Variants in SLC26A6 observed in about 807,000 individuals in gnomAD.
SLC26A6 encodes anion exchange transporter.
Under a neutral mutation model 87.1 loss-of-function variants are expected in SLC26A6, and 67 were observed. The ratio of observed to expected loss-of-function variants is 0.77; its 90% CI spans 0.63 to 0.94. The LOEUF is 0.94. Among genes scored for constraint, SLC26A6 ranks in the 40% least tolerant of loss-of-function variants. The probability of loss-of-function intolerance (pLI) is 0.00; values close to 1 mark genes in which losing one functional copy is unlikely to be tolerated. For synonymous variants in SLC26A6, 414 were observed against 405.9 expected (o/e 1.02, Z -0.24); for missense variants, 902 against 973.0 (o/e 0.93, Z 0.97).
At position 48,630,600 on chromosome 3, in the gene SLC26A6, A is replaced by G. The variant is rs978620694; in HGVS notation, c.1248+7T>C. ...TGCCCACACCCATGCCCACACCCAA[A>G]GCCCACCTGCGAGTTGCCCCCGGTG... On this transcript the variant is annotated splice_region_variant and intron_variant, in intron 10 of 20. Transcript: ENST00000395550. The G allele has an allele frequency of 6.4e-7, 1 of 1,571,106 alleles. No individual in the cohort carries two copies. The highest frequency in any genetic ancestry group is 1.8e-5 in the Admixed American group (1 of 54,102).
intron 7 of SLC26A6, 126 bp from the exon 8 acceptor site, chr3:48,631,432 T>C: frequency 8.4e-7 from 1 of 1,186,756 alleles, no homozygotes; most frequent in Non-Finnish European, 1.2e-6. Flanking sequence ...AAAAGTCACG[T>C]AGGGTGAGAG....
chr3:48,629,583 A>C, intron 14 of SLC26A6, 59 bp downstream of exon 14: 2 of 1,524,084 alleles, frequency 1.3e-6, no homozygotes, highest in Non-Finnish European at 1.8e-6. Context: ...GAATCCACAA[A>C]GGCTCATTCT....
chr3:48,631,640 C>CT lies in SLC26A6; in HGVS notation c.903+8_903+9insA. 6.2e-7 allele frequency: 1 copy of CT among 1,611,424 alleles called. No individual in the cohort carries two copies. Among genetic ancestry groups the CT allele is most frequent in the Non-Finnish European group, 8.5e-7 (1 of 1,178,910 alleles). Reference sequence around the variant, plus strand: ...TTCTCCCCTGCCCTCCACTCCCTGGCCCTCGAACCGTGAGCAGCTCCCCGG... The same window carrying CT: ...TTCTCCCCTGCCCTCCACTCCCTGGCTCCTCGAACCGTGAGCAGCTCCCCGG... On this transcript the variant is annotated intron_variant, in intron 7 of 20. Transcript: ENST00000395550.
Position 48,633,338 on chromosome 3 carries a change from C to A in SLC26A6, c.235G>T (p.Val79Phe). ...CGCACAGGATACCGGGGTAACCAGA[C>A]CAAAACCGGGAGGTGTTGGAGCAGA... ...ALLLQHLPVL[V>F]WLPRYPVRDW... The change falls in exon 3 of 21, where the codon GTC becomes TTC. Residue 79 changes from valine (V) to phenylalanine (F), a missense_variant. By Grantham distance (50) the Val-to-Phe change is conservative. Coordinates refer to ENST00000395550, the MANE Select transcript of SLC26A6 (RefSeq NM_022911.3). 6.2e-7 allele frequency: 1 copy of A among 1,613,594 alleles called. No homozygotes were observed. Among genetic ancestry groups the A allele is most frequent in the Non-Finnish European group, 8.5e-7 (1 of 1,180,012 alleles).
In SLC26A6 at chr3:48,633,511, C is replaced by T; in HGVS notation, c.148G>A (p.Ala50Thr). ...HLEELGRWGS[A>T]PRTHQWRTWL... ...GTCCGCCACTGGTGGGTCCTAGGTG[C>T]TGAGCCCCAGCGCCCCAGCTCCTCC... The change falls in exon 2 of 21, where the codon GCA (alanine) becomes ACA (threonine). Residue 50 changes from alanine to threonine, a missense_variant. By Grantham distance (58) the Ala-to-Thr change is moderately conservative (BLOSUM62 0). This residue lies in a region of SLC26A6 where 800 missense variants were observed against 856.8 expected (regional missense o/e 0.93). Coordinates refer to ENST00000395550, the MANE Select transcript of SLC26A6 (RefSeq NM_022911.3). 6.2e-7 allele frequency: 1 copy of T among 1,613,286 alleles called. No homozygotes were observed. The highest frequency in any genetic ancestry group is 8.5e-7 in the Non-Finnish European group (1 of 1,179,986).
rs1575531733 is a variant in SLC26A6, at chr3:48,633,401, G to A, written c.183-11C>T. On this transcript the variant is annotated splice_polypyrimidine_tract_variant and intron_variant, in intron 2 of 20. Transcript: ENST00000395550. ...CGAGCACGGGAGCACCTAGGGACAT[G>A]ATATGAGGGGTAGGTGTCAGGAACA... 6.2e-7 allele frequency: 1 copy of A among 1,613,200 alleles called. No homozygotes were observed. Among genetic ancestry groups the A allele is most frequent in the Non-Finnish European group, 8.5e-7 (1 of 1,179,928 alleles).
In SLC26A6 at chr3:48,632,234, C is replaced by T. The variant is rs966377308; in HGVS notation, c.585+11G>A. On this transcript the variant is annotated intron_variant, in intron 5 of 20. Transcript: ENST00000395550. ...GGTGGTGGGGGGCACATACTCCTGA[C>T]TGTTCCACACCTGGAAGAGGCCAAC... 1 of 1,586,748 alleles carries T rather than the reference C, an allele frequency of 6.3e-7. No individual in the cohort carries two copies.
intron 7 of SLC26A6, 153 bp downstream of exon 7, chr3:48,631,496 C>T: frequency 1.7e-6 from 2 of 1,151,718 alleles, no homozygotes; most frequent in Non-Finnish European, 2.4e-6. Context: ...AGGAAGAAAC[C>T]AACATAGGGG....
chr3:48,627,973 GCTC>G lies in SLC26A6; in HGVS notation c.1863_1865del (p.Arg621del). 6.3e-7 allele frequency: 1 copy of G among 1,593,802 alleles called. No individual in the cohort carries two copies. The highest frequency in any genetic ancestry group is 8.5e-7 in the Non-Finnish European group (1 of 1,173,882). Reference sequence around the variant, plus strand: ...TCATCTTGCAGTCCTCAACGTTGTTGCTCCTCATGTCTTCAAGGCTGGTGTTGA... The same window carrying G: ...TCATCTTGCAGTCCTCAACGTTGTTGCTCATGTCTTCAAGGCTGGTGTTGA... On this transcript the variant is annotated inframe_deletion, in exon 17 of 21. Transcript: ENST00000395550.
At chr3:48,633,196 T>C (rs949618642) in intron 3 of SLC26A6, 55 bp downstream of exon 3, 1 of 1,595,970 alleles carries the variant, frequency 6.3e-7, no homozygotes. Flanking sequence ...ATGGCCCCAG[T>C]TTTGGGCATC....
chr3:48,627,895 T>C, intron 17 of SLC26A6, 51 bp downstream of exon 17: 1 of 1,522,088 alleles, frequency 6.6e-7, no homozygotes, highest in East Asian at 2.4e-5. Flanking sequence ...ATGTGGATCC[T>C]GCATCTCTGC....
rs755827427 is a variant in SLC26A6, at chr3:48,632,344, G to A, written c.486C>T (p.Ala162=). The A allele has an allele frequency of 5.0e-6, 8 of 1,612,728 alleles. No homozygotes were observed. The highest frequency in any genetic ancestry group is 1.7e-5 in the Admixed American group (1 of 59,878). The stretch of plus-strand genomic sequence containing the variant: ...TCATGGAGTCGTTCAAGGCCTGCGG[G>A]GCCAGGGATTCTGTCACACTGCCCA... ...VMVGSVTESL[A]PQALNDSMIN... is the part of the protein sequence containing the mutation. Residue 162 remains alanine, a synonymous_variant, in exon 5 of 21, where the codon GCC becomes GCT. Coordinates refer to ENST00000395550, the MANE Select transcript of SLC26A6 (RefSeq NM_022911.3).
At chr3:48,627,914 GCTGTCACCT>G in intron 17 of SLC26A6, 23 bp downstream of exon 17, 1 of 1,566,946 alleles carries the variant, frequency 6.4e-7, no homozygotes, top group Non-Finnish European at 8.6e-7. Context: ...GCAGCTCACA[GCTGTCACCT>G]CCTTTCCCAC....
Position 48,630,727 on chromosome 3 carries a change from G to T in SLC26A6, c.1135-7C>A. The T allele has an allele frequency of 6.3e-7, 1 of 1,592,016 alleles. No individual in the cohort carries two copies. The highest frequency in any genetic ancestry group is 2.3e-5 in the East Asian group (1 of 43,920). The stretch of plus-strand genomic sequence containing the variant: ...GGCCCAGGGCCACCAGCTCCTGACG[G>T]GGGACAGTACGGGTGTGAGAAGACT... On this transcript the variant is annotated splice_polypyrimidine_tract_variant and splice_region_variant and intron_variant, in intron 9 of 20. Coordinates refer to ENST00000395550, the MANE Select transcript of SLC26A6 (RefSeq NM_022911.3).
In SLC26A6 at chr3:48,630,087, A is replaced by G. The variant is rs1477816766; in HGVS notation, c.1397T>C (p.Leu466Pro). ...CAGATCCGCCCGATTGGCCTTCCAG[A>G]GGGAGCGCATGTCGCTGAGCTGCCT... ...MLRQLSDMRS[L>P]WKANRADLLI... Residue 466 changes from leucine to proline, a missense_variant, in exon 12 of 21, where the codon CTC (leucine) becomes CCC (proline). This residue lies in a region of SLC26A6 where 800 missense variants were observed against 856.8 expected (regional missense o/e 0.93). Coordinates refer to ENST00000395550, the MANE Select transcript of SLC26A6 (RefSeq NM_022911.3). The G allele has an allele frequency of 6.2e-7, 1 of 1,612,198 alleles. No individual in the cohort carries two copies. The highest frequency in any genetic ancestry group is 8.5e-7 in the Non-Finnish European group (1 of 1,178,634).
chr3:48,626,428 C>T (rs979094823), intron 19 of SLC26A6, 74 bp from the exon 20 acceptor site: 3 of 1,602,770 alleles, frequency 1.9e-6, no homozygotes, highest in South Asian at 1.1e-5. Context: ...CAACAGAATG[C>T]CCTGACCTCA....
Position 48,629,976 on chromosome 3 carries a change from A to T in SLC26A6, c.1425T>A (p.Leu475=), listed in dbSNP as rs1051420250. The T allele has an allele frequency of 1.2e-6, 2 of 1,614,048 alleles. No individual in the cohort carries two copies. Among genetic ancestry groups the T allele is most frequent in the Non-Finnish European group, 1.7e-6 (2 of 1,179,976 alleles). The change falls in exon 13 of 21, where the codon CTT becomes CTA. Residue 475 remains leucine, a splice_region_variant and synonymous_variant. Transcript: ENST00000395550. Reference sequence around the variant, plus strand: ...TGGCCGTGAAGGTCACCAGCCAGATAAGCTGAGAACAGAGGGCAGCGGTTG... The same window carrying T: ...TGGCCGTGAAGGTCACCAGCCAGATTAGCTGAGAACAGAGGGCAGCGGTTG... ...SLWKANRADL[L]IWLVTFTATI...
At chr3:48,632,770 C>A (rs921774841) in intron 4 of SLC26A6, 10 of 680,646 alleles carry the variant, frequency 1.5e-5, no homozygotes, top group Non-Finnish European at 2.6e-5. Context: ...CTTCCTGGAG[C>A]CAGGGCTTTG....
At position 48,631,007 on chromosome 3, in the gene SLC26A6, C is replaced by A. The variant is rs770446748; in HGVS notation, c.1120G>T (p.Val374Leu). The change falls in exon 9 of 21, where the codon GTG becomes TTG. Residue 374 changes from valine (V) to leucine (L), a missense_variant. By Grantham distance (32) the Val-to-Leu change is conservative. Transcript: ENST00000395550. ...ATCACCCAGACCTGGTTGCTGTCCA[C>A]CCGGTAGCCGTGCCTCAGGGCGAAG... ...KIFALRHGYR[V>L]DSNQELVALG... 52 of 1,613,656 alleles carry A rather than the reference C, an allele frequency of 3.2e-5. No individual in the cohort carries two copies. The Admixed American group carries it at 8.5e-4, about 26-fold the overall frequency.
Sources: allele counts gnomAD v4.1 joint callset, GRCh38; gene constraint gnomAD v4.1.1; regional missense constraint gnomAD v4.1.1; transcripts MANE v1.5; gene names NCBI Gene and HGNC (gene_info 2026-07-23, HGNC 2026-07-21).